DAB1: variants seen among roughly 807,000 people sequenced by gnomAD.
DAB1 encodes the protein disabled homolog 1.
Under a neutral mutation model 64.6 loss-of-function variants are expected in DAB1, and 15 were observed. The observed-to-expected ratio is 0.23, with a 90% CI of 0.16 to 0.36. The LOEUF (loss-of-function observed/expected upper bound fraction) is 0.36. Ranked by LOEUF, DAB1 falls within the 10% of genes least tolerant of loss-of-function variation. The probability of loss-of-function intolerance (pLI) is 1.00; values close to 1 mark genes in which losing one functional copy is unlikely to be tolerated. For missense variants in DAB1, 596 were observed against 706.7 expected (o/e 0.84, Z 1.78); for synonymous variants, 235 against 251.9 (o/e 0.93, Z 0.64).
intron 4 of DAB1, among the ~76,000 whole-genome samples, chr1:58,261,582 A>C (rs1291438457): frequency 6.6e-6 from 1 of 152,144 alleles, no homozygotes; most frequent in Non-Finnish European, 1.5e-5. Flanking sequence ...AATTCCCCCG[A>C]GAAGGGGTGG....
intron 3 of DAB1, among the ~76,000 whole-genome samples, chr1:57,138,097 A>C (rs986761078): frequency 6.6e-6 from 1 of 152,202 alleles, no homozygotes; most frequent in Non-Finnish European, 1.5e-5. Context: ...TTTCTTCTAG[A>C]AAATACATGA....
intron 3 of DAB1, among the ~76,000 whole-genome samples, chr1:58,380,571 G>C (rs561809451): frequency 6.6e-6 from 1 of 152,302 alleles, no homozygotes; most frequent in Admixed American, 6.5e-5. Flanking sequence ...TGATGTAGTA[G>C]GTTATTCTGT....
chr1:57,004,950 A>G (rs1646012161), intron 14 of DAB1, among the ~76,000 whole-genome samples: 1 of 152,214 alleles, frequency 6.6e-6, no homozygotes, highest in South Asian at 2.1e-4. Flanking sequence ...AACATGAAGT[A>G]TCTTAAATGC....
intron 6 of DAB1, among the ~76,000 whole-genome samples, chr1:57,797,779 TC>T (rs1650940477): frequency 6.6e-6 from 1 of 152,242 alleles, no homozygotes; most frequent in Admixed American, 6.5e-5. Flanking sequence ...TTCTTAAATT[TC>T]TCATCTGAAT....
At chr1:58,194,307 T>C (rs1657551590) in intron 4 of DAB1, among the ~76,000 whole-genome samples, 1 of 152,206 alleles carries the variant, frequency 6.6e-6, no homozygotes, top group African/African-American at 2.4e-5. Flanking sequence ...TCTGAGCCTA[T>C]AAAATACAAA....
At chr1:57,804,778 C>T (rs1245472565) in intron 6 of DAB1, among the ~76,000 whole-genome samples, 2 of 152,176 alleles carry the variant, frequency 1.3e-5, no homozygotes, top group African/African-American at 4.8e-5. Flanking sequence ...ATCCAGTGTA[C>T]TGGTAGTGCT....
chr1:58,293,647 C>T (rs1661901306), intron 4 of DAB1, among the ~76,000 whole-genome samples: 1 of 152,132 alleles, frequency 6.6e-6, no homozygotes, highest in Non-Finnish European at 1.5e-5. Context: ...GCCAGCTCTC[C>T]AGCATGGAAG....
At chr1:57,741,875 A>G (rs1480634459) in intron 6 of DAB1, among the ~76,000 whole-genome samples, 1 of 152,168 alleles carries the variant, frequency 6.6e-6, no homozygotes, top group East Asian at 1.9e-4. Context: ...GTTAATATAC[A>G]AGTATAACCT....
chr1:58,150,725 C>G (rs1267557629), intron 4 of DAB1: 4 of 151,636 alleles, frequency 2.6e-5, no homozygotes, highest in Non-Finnish European at 5.9e-5. Context: ...TTCTAGGGTA[C>G]ATGTGCACAA....
At chr1:57,572,040 TGACCGTCCTGGCCAGCTGC>T (rs1645199178) in intron 7 of DAB1, among the ~76,000 whole-genome samples, 2 of 152,054 alleles carry the variant, frequency 1.3e-5, no homozygotes, top group Non-Finnish European at 2.9e-5. Context: ...ATCCTGGAGG[TGACCGTCCTGGCCAGCTGC>T]GAGTGGCACT....
intron 5 of DAB1, among the ~76,000 whole-genome samples, chr1:57,924,533 C>T (rs1315883522): frequency 2.0e-5 from 3 of 151,956 alleles, no homozygotes; most frequent in African/African-American, 7.3e-5. Flanking sequence ...AATCTCGGCT[C>T]ACTGCAACCT....
rs182220893 is a variant in DAB1, at chr1:58,456,526, G to T, written n.257+49534C>A. Among the ~76,000 whole-genome samples, 365 of 152,326 alleles carry T rather than the reference G, an allele frequency of 2.4e-3. 2 individuals carry two copies. The highest frequency in any genetic ancestry group is 8.3e-3 in the African/African-American group (347 of 41,566). On this transcript the variant is annotated intron_variant and non_coding_transcript_variant, in intron 3 of 20. Coordinates refer to the DAB1 transcript ENST00000485760. Reference sequence around the variant, plus strand: ...ACAGGAGGGATGTGGCAATGGAGGAGTGTGAGGACTAGGGAAGGCTGAGTG... The same window carrying T: ...ACAGGAGGGATGTGGCAATGGAGGATTGTGAGGACTAGGGAAGGCTGAGTG...
chr1:57,541,595 T>C (rs1644804390), intron 7 of DAB1, among the ~76,000 whole-genome samples: 2 of 152,210 alleles, frequency 1.3e-5, no homozygotes, highest in Admixed American at 1.3e-4. Context: ...CTTTTGTTTA[T>C]GAGATATGTA....
chr1:57,335,000 A>G (rs575955950), intron 1 of DAB1, among the ~76,000 whole-genome samples: 1 of 152,238 alleles, frequency 6.6e-6, no homozygotes, highest in South Asian at 2.1e-4. Flanking sequence ...TAATAATCAA[A>G]CCATAGCCTT....
At chr1:58,167,030 G>A (rs1362300002) in intron 4 of DAB1, among the ~76,000 whole-genome samples, 1 of 146,582 alleles carries the variant, frequency 6.8e-6, no homozygotes, top group Non-Finnish European at 1.5e-5. Flanking sequence ...ATATAGGTAT[G>A]AGCCATTGCA....
rs558646625 is a variant in DAB1 at position 58,115,769 on chromosome 1, A to C, written n.387+34742T>G. 7.7e-4 allele frequency among the ~76,000 whole-genome samples: 86 copies of C among 110,992 alleles called. 1 individual carries two copies. The highest frequency in any genetic ancestry group is 2.1e-3 in the East Asian group (8 of 3,790). 72.8% of individuals were successfully genotyped at this position (110,992 alleles called of 152,430 possible). On this transcript the variant is annotated intron_variant and non_coding_transcript_variant, in intron 5 of 20. Transcript: ENST00000485760. Reference sequence around the variant, plus strand: ...AACCAAACACCGCATATTCTCACTCATAGGTGGGAATTGAACAATGAGATC... The same window carrying C: ...AACCAAACACCGCATATTCTCACTCCTAGGTGGGAATTGAACAATGAGATC...
chr1:58,471,591 T>C (rs1403683871), intron 3 of DAB1, among the ~76,000 whole-genome samples: 1 of 152,190 alleles, frequency 6.6e-6, no homozygotes, highest in African/African-American at 2.4e-5. Flanking sequence ...TCGAATTGTA[T>C]GTAATCCCCA....
At chr1:58,246,189 T>C (rs1462819841) in intron 4 of DAB1, among the ~76,000 whole-genome samples, 1 of 152,242 alleles carries the variant, frequency 6.6e-6, no homozygotes, top group East Asian at 1.9e-4. Context: ...AATCATCCTT[T>C]AGAAGCTCTT....
chr1:58,501,491 C>G (rs567958064), intron 3 of DAB1, among the ~76,000 whole-genome samples: 1 of 152,154 alleles, frequency 6.6e-6, no homozygotes, highest in East Asian at 1.9e-4. Context: ...CTTACAGGGG[C>G]GATAAGGCCC....
Sources: allele counts gnomAD v4.1 joint callset (sites outside exome capture counted in the v4.1 genomes callset), GRCh38; gene constraint gnomAD v4.1.1; transcripts MANE v1.5; gene names NCBI Gene and HGNC (gene_info 2026-07-23, HGNC 2026-07-21).